LGR5: variants seen among roughly 807,000 people sequenced by gnomAD.
The protein encoded by LGR5 is leucine rich repeat containing G protein-coupled receptor 5.
LGR5 carries 54 observed loss-of-function variants against 76.7 expected under a neutral mutation model. That is an observed-to-expected ratio of 0.70 (90% CI 0.57 to 0.88). The LOEUF is 0.88. Ranked by LOEUF, LGR5 falls within the 40% of genes least tolerant of loss-of-function variation. LGR5 has a pLI of 0.00. For missense variants in LGR5, 1,078 were observed against 1,073.3 expected, an observed-to-expected ratio of 1.00 and a Z score of -0.06; for synonymous variants, 406 against 421.9, an observed-to-expected ratio of 0.96 and a Z score of 0.46.
rs1336345397 is a variant in LGR5, at chr12:71,566,459, C to G, written c.913C>G (p.Pro305Ala). 6.2e-7 allele frequency: 1 copy of G among 1,604,332 alleles called. No individual in the cohort carries two copies. Among genetic ancestry groups the G allele is most frequent in the South Asian group, 1.1e-5 (1 of 90,842 alleles). ...FVGRSAFQHL[P>A]ELRTLTLNGA... ...TGGGAGATCTGCTTTTCAACATTTACCTGAACTAAGAACACTGTAAGTTTC... is the reference window on the plus strand; with the variant it reads ...TGGGAGATCTGCTTTTCAACATTTAGCTGAACTAAGAACACTGTAAGTTTC... Residue 305 changes from proline (P) to alanine (A), a missense_variant, in exon 9 of 18, where the codon CCT becomes GCT. Physicochemically the swap from Pro to Ala is conservative, Grantham distance 27. Coordinates refer to ENST00000266674, the MANE Select transcript of LGR5 (RefSeq NM_003667.4).
intron 2 of LGR5, among the ~76,000 whole-genome samples, chr12:71,505,192 T>C (rs1274724404): frequency 6.6e-6 from 1 of 152,168 alleles, no homozygotes; most frequent in African/African-American, 2.4e-5. Flanking sequence ...CCCTCAAGGC[T>C]TCAGTAGAAA....
rs759722818 is a variant in LGR5 at position 71,553,287 on chromosome 12, C to CTGTAAGTTTTAT, written c.644+2_644+13dup. Reference sequence around the variant, plus strand: ...TGGAAACCTCTCCAGCTTGGTAGTTCTGTAAGTTTTATTGATTTTGCTCTC... The same window carrying CTGTAAGTTTTAT: ...TGGAAACCTCTCCAGCTTGGTAGTTCTGTAAGTTTTATTGTAAGTTTTATTGATTTTGCTCTC... On this transcript the variant is annotated stop_gained and inframe_insertion and splice_region_variant, in exon 5 of 18. Coordinates refer to ENST00000266674, the MANE Select transcript of LGR5 (RefSeq NM_003667.4). LOFTEE classifies it high-confidence loss of function. 6.2e-7 allele frequency: 1 copy of CTGTAAGTTTTAT among 1,612,378 alleles called. No individual in the cohort carries two copies. The highest frequency in any genetic ancestry group is 8.5e-7 in the Non-Finnish European group (1 of 1,178,560).
intron 6 of LGR5, 21 bp from the exon 7 acceptor site, chr12:71,559,565 A>C: frequency 7.4e-7 from 1 of 1,359,908 alleles, no homozygotes; most frequent in Non-Finnish European, 1.1e-6. Context: ...AAAACTGAAA[A>C]TACTATGTAC....
chr12:71,580,236 G>A (rs368185552), intron 15 of LGR5, 42 bp from the exon 16 acceptor site: 65 of 1,545,602 alleles, frequency 4.2e-5, no homozygotes, highest in South Asian at 2.3e-4. Context: ...TTAATTATCC[G>A]TTTCTTTAAG....
chr12:71,490,565 G>A (rs570757878), intron 1 of LGR5, among the ~76,000 whole-genome samples: 3 of 152,134 alleles, frequency 2.0e-5, no homozygotes, highest in East Asian at 1.9e-4. Flanking sequence ...AATGTATAAC[G>A]GTATGTTGAA....
At chr12:71,471,770 TAATAACA>T (rs1873114327) in intron 1 of LGR5, among the ~76,000 whole-genome samples, 1 of 151,936 alleles carries the variant, frequency 6.6e-6, no homozygotes, top group Non-Finnish European at 1.5e-5. Context: ...AAAACAGGAG[TAATAACA>T]GCCCCCACCA....
intron 1 of LGR5, among the ~76,000 whole-genome samples, chr12:71,456,190 A>T (rs964978996): frequency 2.0e-5 from 3 of 152,190 alleles, no homozygotes; most frequent in Admixed American, 1.3e-4. Flanking sequence ...TCAAATTTAG[A>T]TAAGTCCACA....
chr12:71,543,522 A>G (rs1876990331), intron 4 of LGR5, among the ~76,000 whole-genome samples: 1 of 152,224 alleles, frequency 6.6e-6, no homozygotes, highest in African/African-American at 2.4e-5. Flanking sequence ...TGACTGGGAC[A>G]GAGAAATGAG....
chr12:71,489,595 T>G (rs1016837246), intron 1 of LGR5, among the ~76,000 whole-genome samples: 1 of 152,216 alleles, frequency 6.6e-6, no homozygotes, highest in Non-Finnish European at 1.5e-5. Context: ...GTTTTATGAA[T>G]ATGAGCTTCA....
At chr12:71,439,407 T>A (rs1397297507), upstream of LGR5, among the ~76,000 whole-genome samples, 1 of 152,212 alleles carries the variant, frequency 6.6e-6, no homozygotes, top group Non-Finnish European at 1.5e-5. Context: ...CATCCATTAT[T>A]TGAAGCGGGC....
At chr12:71,475,739 A>T (rs569054450) in intron 1 of LGR5, among the ~76,000 whole-genome samples, 1 of 152,364 alleles carries the variant, frequency 6.6e-6, no homozygotes, top group East Asian at 1.9e-4. Context: ...TGTGATTAAC[A>T]GTTTAATATA....
Position 71,580,324 on chromosome 12 carries a change from T to A in LGR5, c.1453T>A (p.Cys485Ser). ...YAYQCCAFGV[C>S]ENAYKISNQW... The stretch of plus-strand genomic sequence containing the variant: ...TTACCAGTGCTGTGCATTTGGAGTG[T>A]GTGAGAATGCCTATAAGATTTCTAA... Residue 485 changes from cysteine (C) to serine (S), a missense_variant, in exon 16 of 18, where the codon TGT (cysteine) becomes AGT (serine). By Grantham distance (112) the Cys-to-Ser change is moderately radical. Coordinates refer to ENST00000266674, the MANE Select transcript of LGR5 (RefSeq NM_003667.4). The A allele has an allele frequency of 1.2e-6, 2 of 1,613,912 alleles. No homozygotes were observed. Among genetic ancestry groups the A allele is most frequent in the Non-Finnish European group, 1.7e-6 (2 of 1,179,836 alleles).
intron 2 of LGR5, among the ~76,000 whole-genome samples, chr12:71,509,813 A>G (rs1257384356): frequency 1.3e-5 from 2 of 152,212 alleles, no homozygotes; most frequent in Non-Finnish European, 1.5e-5. Context: ...TTTAGAAAAG[A>G]AACATGAGAA....
rs1047409229 is a variant in LGR5 at position 71,500,763 on chromosome 12, G to A, written c.213-3851G>A. Among the ~76,000 whole-genome samples, 10 of 152,056 alleles carry A rather than the reference G, an allele frequency of 6.6e-5. No homozygotes were observed. The South Asian group carries it at 1.2e-3, about 19-fold the overall frequency. Reference sequence around the variant, plus strand: ...AGATGTGAGCCACTGTGCCAGTCCAGACATCAACATTTTTTAAAGCTCCTG... The same window carrying A: ...AGATGTGAGCCACTGTGCCAGTCCAAACATCAACATTTTTTAAAGCTCCTG... On this transcript the variant is annotated intron_variant, in intron 1 of 17. Coordinates refer to ENST00000266674, the MANE Select transcript of LGR5 (RefSeq NM_003667.4).
At chr12:71,447,724 C>T (rs1872066680) in intron 1 of LGR5, among the ~76,000 whole-genome samples, 1 of 152,138 alleles carries the variant, frequency 6.6e-6, no homozygotes, top group African/African-American at 2.4e-5. Flanking sequence ...ACTTGCTTGG[C>T]AGAAATGATA....
At position 71,583,796 on chromosome 12, in the gene LGR5, A is replaced by T. The variant is rs1879192759; in HGVS notation, c.1786A>T (p.Ile596Phe). 1 of 1,613,998 alleles carries T rather than the reference A, an allele frequency of 6.2e-7. No homozygotes were observed. Among genetic ancestry groups the T allele is most frequent in the African/African-American group, 1.3e-5 (1 of 74,916 alleles). ...PLYISPIKLL[I>F]GVIAAVNMLT... ...GTACATTTCCCCCATTAAACTGTTA[A>T]TTGGGGTCATCGCAGCAGTGAACAT... is the stretch of plus-strand genomic sequence containing the variant. The change falls in exon 18 of 18, where the codon ATT becomes TTT. Residue 596 changes from isoleucine (I) to phenylalanine (F), a missense_variant. Physicochemically the swap from Ile to Phe is conservative, Grantham distance 21 (BLOSUM62 0). Transcript: ENST00000266674.
intron 3 of LGR5, among the ~76,000 whole-genome samples, chr12:71,525,068 C>A (rs1277561676): frequency 1.3e-5 from 2 of 151,970 alleles, no homozygotes; most frequent in Non-Finnish European, 2.9e-5. Context: ...TTATTGAATA[C>A]TTCCTTCTTC....
At chr12:71,450,451 C>G (rs1303069566) in intron 1 of LGR5, among the ~76,000 whole-genome samples, 2 of 152,124 alleles carry the variant, frequency 1.3e-5, no homozygotes, top group Non-Finnish European at 2.9e-5. Context: ...CCCCAAATGT[C>G]TGTTCATAGT....
chr12:71,488,620 T>C (rs1873937546), intron 1 of LGR5, among the ~76,000 whole-genome samples: 2 of 152,216 alleles, frequency 1.3e-5, no homozygotes, highest in Admixed American at 6.5e-5. Context: ...CATTGATTTA[T>C]ATTAGTAAAT....
Sources: allele counts gnomAD v4.1 joint callset (sites outside exome capture counted in the v4.1 genomes callset), GRCh38; gene constraint gnomAD v4.1.1; transcripts MANE v1.5; gene names NCBI Gene and HGNC (gene_info 2026-07-23, HGNC 2026-07-21).